CD84: variants seen among roughly 807,000 people sequenced by gnomAD.
CD84 encodes the protein SLAM family member 5.
Under a neutral mutation model 33.8 loss-of-function variants are expected in CD84, and 22 were observed. The ratio of observed to expected loss-of-function variants is 0.65; its 90% CI spans 0.46 to 0.93. CD84 has a LOEUF of 0.93. Ranked by LOEUF, CD84 falls within the 40% of genes least tolerant of loss-of-function variation. The pLI is 0.00. For synonymous variants in CD84, 154 were observed against 145.2 expected (o/e 1.06, Z -0.44); for missense variants, 400 against 397.6 (o/e 1.01, Z -0.05).
chr1:160,577,551 A>G (rs1308900004), intron 1 of CD84, among the ~76,000 whole-genome samples: 1 of 152,152 alleles, frequency 6.6e-6, no homozygotes, highest in Non-Finnish European at 1.5e-5. Flanking sequence ...CCAGACAACC[A>G]ACACCTAAGC....
intron 2 of CD84, among the ~76,000 whole-genome samples, chr1:160,560,942 C>T (rs1247196713): frequency 2.0e-5 from 3 of 151,996 alleles, no homozygotes; most frequent in African/African-American, 7.3e-5. Flanking sequence ...AAGACTGAGC[C>T]AGGAAGAAGT....
At chr1:160,553,156 G>GCTCGAA in intron 4 of CD84, 2 of 715,046 alleles carry the variant, frequency 2.8e-6, no homozygotes, top group Non-Finnish European at 4.9e-6. Flanking sequence ...CATGTTCTGG[G>GCTCGAA]CCCACCAGCT....
rs2102104243 is a variant in CD84 at position 160,543,673 on chromosome 1, A to G, written c.*4583T>C. The G allele has an allele frequency of 6.6e-6, 1 of 150,736 alleles. No individual in the cohort carries two copies. The highest frequency in any genetic ancestry group is 2.4e-5 in the African/African-American group (1 of 41,260). 9.3% of individuals were successfully genotyped at this position (150,736 alleles called of 1,614,324 possible). ...TCTCTCAGTCTAACTGGGGAGGCAG[A>G]TATAGCATCAGGTAAGTAGACTGTG... On this transcript the variant is annotated 3_prime_UTR_variant, in exon 7 of 7. Transcript: ENST00000368054.
intron 1 of CD84, among the ~76,000 whole-genome samples, chr1:160,577,874 A>T (rs1025546898): frequency 6.6e-6 from 1 of 152,212 alleles, no homozygotes; most frequent in African/African-American, 2.4e-5. Flanking sequence ...CAAAACTTGT[A>T]AACAATTCAC....
At chr1:160,570,407 T>G (rs1657618532) in intron 1 of CD84, among the ~76,000 whole-genome samples, 1 of 152,194 alleles carries the variant, frequency 6.6e-6, no homozygotes, top group South Asian at 2.1e-4. Context: ...TGTTCCCTCC[T>G]TCATTCTTAT....
chr1:160,541,870 G>A lies in CD84; in HGVS notation c.*6386C>T, dbSNP rs1334529093. The A allele has an allele frequency of 6.6e-6, 1 of 152,214 alleles. No homozygotes were observed. The highest frequency in any genetic ancestry group is 6.5e-5 in the Admixed American group (1 of 15,280). 9.4% of individuals were successfully genotyped at this position (152,214 alleles called of 1,614,324 possible). Reference sequence around the variant, plus strand: ...TGTAATAGCAACCCAGGTAACACGTGATAAAGCAATGATCTGAGGGAGTGA... The same window carrying A: ...TGTAATAGCAACCCAGGTAACACGTAATAAAGCAATGATCTGAGGGAGTGA... On this transcript the variant is annotated 3_prime_UTR_variant, in exon 7 of 7. Coordinates refer to ENST00000368054, the MANE Select transcript of CD84 (RefSeq NM_003874.4).
chr1:160,552,888 G>T, intron 4 of CD84: 1 of 651,074 alleles, frequency 1.5e-6, no homozygotes, highest in Non-Finnish European at 2.8e-6. Context: ...CTAAGATCAG[G>T]TTTTCTGAAT....
In CD84 at chr1:160,553,907, G is replaced by T. The variant is rs1656417114; in HGVS notation, c.628C>A (p.Gln210Lys). 2 of 1,614,212 alleles carry T rather than the reference G, an allele frequency of 1.2e-6. No homozygotes were observed. Among genetic ancestry groups the T allele is most frequent in the Non-Finnish European group, 1.7e-6 (2 of 1,180,034 alleles). ...SNNSDSISARQLCADIAMGFR... is the reference protein window; with the variant it reads ...SNNSDSISARKLCADIAMGFR... Reference sequence around the variant, plus strand: ...CAGAGCTGGTTACCTGCACAGAGCTGCCGGGCAGAGATGGAGTCAGAATTG... The same window carrying T: ...CAGAGCTGGTTACCTGCACAGAGCTTCCGGGCAGAGATGGAGTCAGAATTG... Residue 210 changes from glutamine to lysine, a missense_variant, in exon 3 of 7, where the codon CAG (glutamine) becomes AAG (lysine). Gln to Lys is a moderately conservative substitution (Grantham distance 53). Coordinates refer to ENST00000368054, the MANE Select transcript of CD84 (RefSeq NM_003874.4).
intron 2 of CD84, among the ~76,000 whole-genome samples, chr1:160,559,085 C>T (rs1240435302): frequency 6.6e-6 from 1 of 152,112 alleles, no homozygotes; most frequent in Non-Finnish European, 1.5e-5. Flanking sequence ...AGAACTTCCC[C>T]AGCCTAGCAA....
At chr1:160,560,845 C>T (rs1354370654) in intron 2 of CD84, among the ~76,000 whole-genome samples, 3 of 152,002 alleles carry the variant, frequency 2.0e-5, no homozygotes, top group Non-Finnish European at 4.4e-5. Flanking sequence ...TACAAACAAC[C>T]ATCAGAGAAT....
In CD84 at chr1:160,559,173, G is replaced by A. The variant is rs535863540; in HGVS notation, c.389-5027C>T. On this transcript the variant is annotated intron_variant, in intron 2 of 6. Coordinates refer to ENST00000368054, the MANE Select transcript of CD84 (RefSeq NM_003874.4). ...CATGAGAAAATCAACCCCAGGACAC[G>A]TAATCATCAGATTCTCCAAGGTCGA... is the stretch of plus-strand genomic sequence containing the variant. Among the ~76,000 whole-genome samples the A allele has an allele frequency of 1.1e-4, 16 of 152,170 alleles. 1 individual carries two copies. Among genetic ancestry groups the A allele is most frequent in the South Asian group, 1.0e-3 (5 of 4,816 alleles).
At chr1:160,553,616 G>A (rs1208822200) in intron 3 of CD84, 119 bp from the exon 4 acceptor site, 7 of 1,223,378 alleles carry the variant, frequency 5.7e-6, no homozygotes, top group Admixed American at 4.3e-5. Context: ...GAGTGCCAAA[G>A]CTCCTAGGGA....
intron 1 of CD84, among the ~76,000 whole-genome samples, chr1:160,568,281 T>A (rs1282254354): frequency 1.3e-5 from 2 of 152,030 alleles, no homozygotes; most frequent in Admixed American, 1.3e-4. Flanking sequence ...GTTTTAAAAG[T>A]ATGTCTCATC....
In CD84 at chr1:160,547,140, G is replaced by T. The variant is rs531618429; in HGVS notation, c.*1116C>A. The T allele has an allele frequency of 5.5e-5, 22 of 398,984 alleles. No homozygotes were observed. The highest frequency in any genetic ancestry group is 4.3e-4 in the African/African-American group (21 of 48,760). 24.7% of individuals were successfully genotyped at this position (398,984 alleles called of 1,614,324 possible). A position where few individuals can be genotyped will look rare whatever the true frequency, so the allele number is the denominator to read the frequency against. On this transcript the variant is annotated 3_prime_UTR_variant, in exon 7 of 7. Coordinates refer to ENST00000368054, the MANE Select transcript of CD84 (RefSeq NM_003874.4). ...GGCTGGTGATCTGTTTGTGGGGCAT[G>T]CCAGGGTGGCGGCACTCTGCCTCAG...
At position 160,545,339 on chromosome 1, in the gene CD84, A is replaced by T. The variant is rs1655764077; in HGVS notation, c.*2917T>A. On this transcript the variant is annotated 3_prime_UTR_variant, in exon 7 of 7. Transcript: ENST00000368054. ...AGAGGAAGAGGGCAAGTTAGAGAAT[A>T]AAGATGTTTGGGAATGAGTCTTCAA... The T allele has an allele frequency of 6.6e-6, 1 of 152,268 alleles. No homozygotes were observed. The highest frequency in any genetic ancestry group is 2.4e-5 in the African/African-American group (1 of 41,474). 9.4% of individuals were successfully genotyped at this position (152,268 alleles called of 1,614,324 possible). A position where few individuals can be genotyped will look rare whatever the true frequency, so the allele number is the denominator to read the frequency against.
intron 1 of CD84, among the ~76,000 whole-genome samples, chr1:160,574,649 G>GT (rs1193867816): frequency 6.6e-6 from 1 of 152,148 alleles, no homozygotes; most frequent in Non-Finnish European, 1.5e-5. Context: ...GTCACCATGG[G>GT]TTAGTCACTG....
At position 160,548,050 on chromosome 1, in the gene CD84, G is replaced by T; in HGVS notation, c.*206C>A. 1 of 592,444 alleles carries T rather than the reference G, an allele frequency of 1.7e-6. No individual in the cohort carries two copies. The highest frequency in any genetic ancestry group is 2.0e-5 in the South Asian group (1 of 49,910). 36.7% of individuals were successfully genotyped at this position (592,444 alleles called of 1,614,324 possible). ...CCTGCTTTGTCATTCATTCAGAAGG[G>T]AGTCATTTCAGGAAGGGTATGCATC... On this transcript the variant is annotated 3_prime_UTR_variant, in exon 7 of 7. Transcript: ENST00000368054.
intron 1 of CD84, among the ~76,000 whole-genome samples, chr1:160,578,478 A>C (rs1190406973): frequency 6.6e-6 from 1 of 152,212 alleles, no homozygotes; most frequent in Non-Finnish European, 1.5e-5. Flanking sequence ...ATCACAGTGC[A>C]TTGATTCTAC....
At position 160,554,144 on chromosome 1, in the gene CD84, G is replaced by A. The variant is rs372579851; in HGVS notation, c.391C>T (p.Arg131Trp). The change falls in exon 3 of 7, where the codon CGG (arginine) becomes TGG (tryptophan). Residue 131 changes from arginine to tryptophan, a missense_variant and splice_region_variant. By Grantham distance (101) the Arg-to-Trp change is moderately radical. Transcript: ENST00000368054. ...TGTGTAATTTTTGGTTTCCCAAGCC[G>A]ACCTGTGGGGGCAAACACATGAGCC... is the stretch of plus-strand genomic sequence containing the variant. ...TKRYNLQIYR[R>W]LGKPKITQSL... 17 of 1,608,318 alleles carry A rather than the reference G, an allele frequency of 1.1e-5. No homozygotes were observed. Among genetic ancestry groups the A allele is most frequent in the Middle Eastern group, 1.7e-4 (1 of 6,048 alleles).
Sources: gnomAD v4.1 joint callset for allele counts (sites outside exome capture counted in the v4.1 genomes callset) on GRCh38, gnomAD v4.1.1 for gene constraint, MANE v1.5 for transcripts, NCBI Gene and HGNC (gene_info 2026-07-23, HGNC 2026-07-21) for gene names.